Variants in DLG2 observed in about 807,000 individuals in gnomAD.
DLG2 encodes the protein disks large homolog 2.
Under a neutral mutation model 132.5 loss-of-function variants are expected in DLG2, and 45 were observed. That is an observed-to-expected ratio of 0.34 (90% CI 0.27 to 0.44). The LOEUF is 0.44. Among genes scored for constraint, DLG2 ranks in the 20% least tolerant of loss-of-function variants. The pLI is 1.00. For missense variants in DLG2, 1,045 were observed against 1,196.9 expected, an observed-to-expected ratio of 0.87 and a Z score of 1.87; for synonymous variants, 424 against 419.6, an observed-to-expected ratio of 1.01 and a Z score of -0.13.
At chr11:84,241,264 A>G (rs1032652324) in intron 8 of DLG2, among the ~76,000 whole-genome samples, 4 of 152,232 alleles carry the variant, frequency 2.6e-5, no homozygotes, top group African/African-American at 9.6e-5. Flanking sequence ...TGGGAAAGAT[A>G]AAGCAATATT....
chr11:85,074,983 A>C (rs2066337033), intron 6 of DLG2, among the ~76,000 whole-genome samples: 1 of 151,900 alleles, frequency 6.6e-6, no homozygotes, highest in Non-Finnish European at 1.5e-5. Context: ...ATTGTTTACT[A>C]AATTAGAACT....
At chr11:84,347,981 G>A (rs891918101) in intron 7 of DLG2, among the ~76,000 whole-genome samples, 5 of 152,020 alleles carry the variant, frequency 3.3e-5, no homozygotes, top group African/African-American at 1.2e-4. Context: ...TCTAAGATGA[G>A]GTATGTTAAT....
chr11:85,277,377 TAC>T (rs2152746538), intron 4 of DLG2, among the ~76,000 whole-genome samples: 1 of 152,312 alleles, frequency 6.6e-6, no homozygotes, highest in African/African-American at 2.4e-5. Context: ...AGTGACATTT[TAC>T]AGTTAAATAT....
At chr11:85,195,977 G>A (rs2081037299) in intron 4 of DLG2, among the ~76,000 whole-genome samples, 3 of 152,202 alleles carry the variant, frequency 2.0e-5, no homozygotes, top group South Asian at 4.1e-4. Context: ...CATTATTTTA[G>A]ATAAAATATT....
intron 6 of DLG2, among the ~76,000 whole-genome samples, chr11:84,599,461 G>C (rs1016182380): frequency 6.6e-6 from 1 of 152,106 alleles, no homozygotes; most frequent in Non-Finnish European, 1.5e-5. Flanking sequence ...CCTTGTTTTT[G>C]TGAAGAGCTG....
chr11:83,820,418 A>G (rs2050438804), intron 17 of DLG2, among the ~76,000 whole-genome samples: 1 of 152,198 alleles, frequency 6.6e-6, no homozygotes, highest in Non-Finnish European at 1.5e-5. Flanking sequence ...AAATTGCTCC[A>G]TAAATCAAAA....
At chr11:84,150,506 G>T (rs1313685758) in intron 9 of DLG2, among the ~76,000 whole-genome samples, 3 of 152,134 alleles carry the variant, frequency 2.0e-5, no homozygotes, top group Non-Finnish European at 4.4e-5. Context: ...GAGAAACATA[G>T]TATTTTATAC....
chr11:83,759,219 T>C (rs1388248448), intron 18 of DLG2, among the ~76,000 whole-genome samples: 2 of 152,160 alleles, frequency 1.3e-5, no homozygotes, highest in Admixed American at 6.5e-5. Flanking sequence ...GGAAGCTTTA[T>C]AGAGGAGGGA....
chr11:84,669,301 G>C (rs531616214), intron 6 of DLG2, among the ~76,000 whole-genome samples: 1 of 152,224 alleles, frequency 6.6e-6, no homozygotes, highest in South Asian at 2.1e-4. Context: ...AGTATGGCTA[G>C]AGACAAGGAT....
At chr11:84,610,050 G>A (rs556317233) in intron 6 of DLG2, among the ~76,000 whole-genome samples, 5 of 152,046 alleles carry the variant, frequency 3.3e-5, no homozygotes, top group Admixed American at 6.6e-5. Context: ...TACATATGTA[G>A]GGATAATAAT....
intron 6 of DLG2, among the ~76,000 whole-genome samples, chr11:84,590,114 G>C (rs895034696): frequency 5.3e-5 from 8 of 152,172 alleles, no homozygotes; most frequent in African/African-American, 1.9e-4. Context: ...CCTGTTGGAA[G>C]GGCAATAGTA....
At chr11:85,459,861 G>T (rs1353747587) in intron 3 of DLG2, among the ~76,000 whole-genome samples, 3 of 152,214 alleles carry the variant, frequency 2.0e-5, no homozygotes, top group Non-Finnish European at 4.4e-5. Context: ...GAGAGGCCCT[G>T]CCTAGTAAGA....
At chr11:83,471,488 A>G (rs1468552941) in intron 24 of DLG2, 138 bp downstream of exon 24, 1 of 618,240 alleles carries the variant, frequency 1.6e-6, no homozygotes, top group African/African-American at 1.9e-5. Context: ...TAAATTAAAT[A>G]AGGCACTCAG....
At chr11:85,177,543 C>A (rs546551716) in intron 4 of DLG2, among the ~76,000 whole-genome samples, 4 of 152,010 alleles carry the variant, frequency 2.6e-5, no homozygotes, top group Admixed American at 2.6e-4. Context: ...TGAGGGAGAG[C>A]ATCAGGAAGA....
chr11:84,136,696 T>G (rs2154228968), intron 9 of DLG2, among the ~76,000 whole-genome samples: 1 of 152,272 alleles, frequency 6.6e-6, no homozygotes, highest in Middle Eastern at 3.4e-3. Flanking sequence ...ACTTTGCAGT[T>G]GGCTAAAAGT....
intron 3 of DLG2, among the ~76,000 whole-genome samples, chr11:85,545,346 T>C (rs1369613098): frequency 6.6e-6 from 1 of 152,178 alleles, no homozygotes; most frequent in Non-Finnish European, 1.5e-5. Flanking sequence ...GCCAACTTGA[T>C]CGTGGTGGAT....
intron 17 of DLG2, among the ~76,000 whole-genome samples, chr11:83,812,947 T>C (rs1449163016): frequency 1.3e-5 from 2 of 152,184 alleles, no homozygotes; most frequent in Admixed American, 1.3e-4. Context: ...ACTGGGACTG[T>C]TGGTGGCACT....
At chr11:83,769,516 T>A (rs533991000) in intron 18 of DLG2, among the ~76,000 whole-genome samples, 4 of 149,966 alleles carry the variant, frequency 2.7e-5, no homozygotes, top group African/African-American at 7.4e-5. Context: ...GGGGATGGAG[T>A]GTATGGTTAG....
intron 7 of DLG2, among the ~76,000 whole-genome samples, chr11:84,460,653 TTA>T (rs1383296959): frequency 1.3e-5 from 2 of 150,790 alleles, no homozygotes; most frequent in Non-Finnish European, 3.0e-5. Context: ...GGTCAGTCAA[TTA>T]TTAAATATGA....
Sources: allele counts gnomAD v4.1 joint callset (sites outside exome capture counted in the v4.1 genomes callset), GRCh38; gene constraint gnomAD v4.1.1; transcripts MANE v1.5; gene names NCBI Gene and HGNC (gene_info 2026-07-23, HGNC 2026-07-21).